Variants in FRMD4A observed in about 807,000 individuals in gnomAD.
The protein encoded by FRMD4A is FERM domain-containing protein 4A.
In FRMD4A, 29 loss-of-function variants were observed where a neutral mutation model predicts 129.1. The observed-to-expected ratio is 0.22, with a 90% CI of 0.17 to 0.31. The LOEUF is 0.31. Ranked by LOEUF, FRMD4A falls within the 10% of genes least tolerant of loss-of-function variation. The probability of loss-of-function intolerance (pLI) is 1.00; values close to 1 mark genes in which losing one functional copy is unlikely to be tolerated. For synonymous variants in FRMD4A, 634 were observed against 571.6 expected, an observed-to-expected ratio of 1.11 and a Z score of -1.56; for missense variants, 1,272 against 1,375.8, an observed-to-expected ratio of 0.92 and a Z score of 1.19.
At chr10:13,771,836 T>C (rs2092462123) in intron 6 of FRMD4A, among the ~76,000 whole-genome samples, 2 of 151,956 alleles carry the variant, frequency 1.3e-5, no homozygotes, top group Non-Finnish European at 2.9e-5. Flanking sequence ...TCTCAGCACT[T>C]TAGGAGGCCA....
At chr10:13,830,787 AAGTTTTGCTTATTATTATTAGAGACAG>A (rs1335081678) in intron 3 of FRMD4A, among the ~76,000 whole-genome samples, 2 of 151,510 alleles carry the variant, frequency 1.3e-5, no homozygotes, top group Non-Finnish European at 2.9e-5. Context: ...TTGGTGTCAT[AAGTTTTGCTTATTATTATTAGAGACAG>A]AGTCTCGCTC....
At chr10:14,123,011 T>C (rs1838617770) in intron 2 of FRMD4A, among the ~76,000 whole-genome samples, 1 of 152,168 alleles carries the variant, frequency 6.6e-6, no homozygotes, top group Non-Finnish European at 1.5e-5. Context: ...ACTTATTTGA[T>C]GATTATAGAA....
chr10:13,647,413 G>A (rs913761641), intron 24 of FRMD4A: 8 of 152,214 alleles, frequency 5.3e-5, no homozygotes, highest in African/African-American at 1.9e-4. Flanking sequence ...CTCCCCACCA[G>A]GTGATTCTCA....
intron 7 of FRMD4A, 55 bp from the exon 8 acceptor site, chr10:13,761,724 T>G: frequency 1.7e-6 from 2 of 1,194,330 alleles, no homozygotes; most frequent in East Asian, 2.3e-5. Context: ...TGTTAGAGAC[T>G]CTAAAGTACA....
At chr10:14,123,975 G>T (rs1314510512) in intron 2 of FRMD4A, among the ~76,000 whole-genome samples, 1 of 152,160 alleles carries the variant, frequency 6.6e-6, no homozygotes, top group African/African-American at 2.4e-5. Context: ...TTATAAGGAT[G>T]CAGAGGATTC....
chr10:13,846,661 C>G (rs2094051242), intron 3 of FRMD4A, among the ~76,000 whole-genome samples: 1 of 152,208 alleles, frequency 6.6e-6, no homozygotes, highest in African/African-American at 2.4e-5. Flanking sequence ...TGGCATAGGG[C>G]CTGCCCAGAG....
At chr10:14,101,185 G>T (rs1331211258) in intron 2 of FRMD4A, among the ~76,000 whole-genome samples, 1 of 152,148 alleles carries the variant, frequency 6.6e-6, no homozygotes, top group Admixed American at 6.5e-5. Context: ...GAAAATTTCT[G>T]GGCTAGGTGT....
chr10:14,125,377 G>A (rs960810017), intron 2 of FRMD4A, among the ~76,000 whole-genome samples: 3 of 152,150 alleles, frequency 2.0e-5, no homozygotes, highest in African/African-American at 7.2e-5. Context: ...CTCCTGAGTA[G>A]TACATTCACC....
At chr10:14,098,699 C>T (rs748530850) in intron 2 of FRMD4A, among the ~76,000 whole-genome samples, 30 of 152,148 alleles carry the variant, frequency 2.0e-4, no homozygotes, top group Non-Finnish European at 4.0e-4. Flanking sequence ...TGAGCCACCG[C>T]GCCCAGCCTG....
At chr10:13,777,110 C>G (rs12569860) in intron 6 of FRMD4A, among the ~76,000 whole-genome samples, 92,687 of 152,142 alleles carry the variant, frequency 0.61, 30,622 homozygotes, top group East Asian at 0.95. Flanking sequence ...AAGGGGCATG[C>G]CTGGGAAAAG....
chr10:13,745,249 C>T (rs186878722), intron 9 of FRMD4A, among the ~76,000 whole-genome samples: 1 of 152,296 alleles, frequency 6.6e-6, no homozygotes, highest in Admixed American at 6.5e-5. Context: ...TTAGAGCCAA[C>T]ATCAAGTAGC....
rs1554784594 is a variant in FRMD4A, at chr10:14,206,820, A to AG, written c.45+123237_45+123238insC. 2.4e-5 allele frequency among the ~76,000 whole-genome samples: 3 copies of AG among 127,490 alleles called. 1 individual carries two copies. The South Asian group carries it at 7.7e-4, about 33-fold the overall frequency. 83.6% of individuals were successfully genotyped at this position (127,490 alleles called of 152,430 possible). A position where few individuals can be genotyped will look rare whatever the true frequency, so the allele number is the denominator to read the frequency against. ...GTGAGACGCTATCTCAAAAAAAAAAAAGAGAGACAGAGAAACAAAATATTT... is the reference window on the plus strand; with the variant it reads ...GTGAGACGCTATCTCAAAAAAAAAAAGAGAGAGACAGAGAAACAAAATATTT... On this transcript the variant is annotated intron_variant, in intron 2 of 24. Coordinates refer to ENST00000357447, the MANE Select transcript of FRMD4A (RefSeq NM_018027.5).
At position 13,931,951 on chromosome 10, in the gene FRMD4A, AAACC is replaced by A. The variant is rs376187231; in HGVS notation, c.46-73043_46-73040del. On this transcript the variant is annotated intron_variant, in intron 2 of 24. Coordinates refer to ENST00000357447, the MANE Select transcript of FRMD4A (RefSeq NM_018027.5). The stretch of plus-strand genomic sequence containing the variant: ...GCAATAGAGCAAGACTCTGTCTCAA[AAACC>A]AACCAACCAACCAACCAACCAACAA... Among the ~76,000 whole-genome samples, 524 of 111,460 alleles carry A rather than the reference AAACC, an allele frequency of 4.7e-3. 6 individuals are homozygous for A. Among genetic ancestry groups the A allele is most frequent in the African/African-American group, 0.018 (489 of 27,292 alleles). The allele number at this position is 111,460 out of a possible 152,430, so 73.1% of individuals were successfully genotyped here. A position where few individuals can be genotyped will look rare whatever the true frequency, so the allele number is the denominator to read the frequency against.
chr10:13,799,084 G>A (rs1399382689), intron 4 of FRMD4A, among the ~76,000 whole-genome samples: 1 of 152,180 alleles, frequency 6.6e-6, no homozygotes, highest in Non-Finnish European at 1.5e-5. Flanking sequence ...CACCCTAGGG[G>A]CTCACCCATT....
At chr10:13,718,198 G>A (rs1394520354) in intron 12 of FRMD4A, among the ~76,000 whole-genome samples, 3 of 152,244 alleles carry the variant, frequency 2.0e-5, no homozygotes, top group Admixed American at 6.5e-5. Flanking sequence ...AACTTCACGC[G>A]TGAGCTCCAG....
chr10:14,127,913 T>G (rs182277542), intron 2 of FRMD4A, among the ~76,000 whole-genome samples: 701 of 3,732 alleles, frequency 0.19, 6 homozygotes, highest in African/African-American at 0.35. Context: ...TTGCTTTCTT[T>G]CTTTCTTTCT....
chr10:14,156,451 T>C (rs893379657), intron 2 of FRMD4A, among the ~76,000 whole-genome samples: 1 of 152,220 alleles, frequency 6.6e-6, no homozygotes, highest in Non-Finnish European at 1.5e-5. Flanking sequence ...CACCAAAATA[T>C]ACTTGCAATA....
At chr10:13,953,578 C>T (rs1432375947) in intron 2 of FRMD4A, among the ~76,000 whole-genome samples, 1 of 152,182 alleles carries the variant, frequency 6.6e-6, no homozygotes. Context: ...ATTACTCACC[C>T]ACTAGTCACC....
chr10:14,100,552 C>T (rs1466839545), intron 2 of FRMD4A, among the ~76,000 whole-genome samples: 1 of 152,122 alleles, frequency 6.6e-6, no homozygotes, highest in African/African-American at 2.4e-5. Context: ...TCAACCTTTC[C>T]ATATGCAGTT....
Sources: gnomAD v4.1 joint callset for allele counts (sites outside exome capture counted in the v4.1 genomes callset) on GRCh38, gnomAD v4.1.1 for gene constraint, MANE v1.5 for transcripts, NCBI Gene and HGNC (gene_info 2026-07-23, HGNC 2026-07-21) for gene names.